Variants in PARP8 observed in about 807,000 individuals in gnomAD.
PARP8 encodes poly(ADP-ribose) polymerase family member 8, also known as protein mono-ADP-ribosyltransferase PARP8.
A neutral mutation model predicts 124.1 loss-of-function variants in PARP8; 51 were observed. That is an observed-to-expected ratio of 0.41 (90% CI 0.33 to 0.52). The LOEUF is 0.52. PARP8 is among the 20% of genes least tolerant of loss of function. The pLI is 0.21. For synonymous variants in PARP8, 391 were observed against 361.5 expected, an observed-to-expected ratio of 1.08 and a Z score of -0.93; for missense variants, 860 against 1,018.9, an observed-to-expected ratio of 0.84 and a Z score of 2.12.
chr5:50,762,339 C>T (rs1187993530), intron 6 of PARP8, among the ~76,000 whole-genome samples: 1 of 151,994 alleles, frequency 6.6e-6, no homozygotes, highest in East Asian at 1.9e-4. Context: ...TATTCACTGC[C>T]ATTGAATTCT....
intron 7 of PARP8, among the ~76,000 whole-genome samples, chr5:50,766,351 G>A (rs144233479): frequency 1.6e-4 from 25 of 152,088 alleles, no homozygotes; most frequent in African/African-American, 3.4e-4. Flanking sequence ...TCAACAAAAC[G>A]CATTTTATGT....
intron 9 of PARP8, among the ~76,000 whole-genome samples, chr5:50,785,959 A>G (rs1741202955): frequency 6.6e-6 from 1 of 152,124 alleles, no homozygotes; most frequent in South Asian, 2.1e-4. Flanking sequence ...TTAGGACACC[A>G]TCCCAGCAAT....
chr5:50,685,203 G>A (rs1418104652), intron 2 of PARP8, among the ~76,000 whole-genome samples: 1 of 152,190 alleles, frequency 6.6e-6, no homozygotes, highest in Non-Finnish European at 1.5e-5. Flanking sequence ...CCACATGTCA[G>A]GATGCCTTCA....
At chr5:50,698,474 ACTT>A (rs925947804) in intron 2 of PARP8, among the ~76,000 whole-genome samples, 5 of 152,230 alleles carry the variant, frequency 3.3e-5, no homozygotes, top group Non-Finnish European at 5.9e-5. Flanking sequence ...TTATCTTCTT[ACTT>A]CTTATTACTG....
chr5:50,775,008 G>A lies in PARP8; in HGVS notation c.519-3061G>A, dbSNP rs557484156. Among the ~76,000 whole-genome samples the A allele has an allele frequency of 8.1e-4, 122 of 149,812 alleles. 1 individual carries two copies. The highest frequency in any genetic ancestry group is 1.4e-3 in the Non-Finnish European group (96 of 67,606). On this transcript the variant is annotated intron_variant, in intron 7 of 25. Transcript: ENST00000281631. Reference sequence around the variant, plus strand: ...TCACATCCCAGATGATGGGCGGCCAGGCAGAGACGCTCCTCACTTCCTAGA... The same window carrying A: ...TCACATCCCAGATGATGGGCGGCCAAGCAGAGACGCTCCTCACTTCCTAGA...
intron 2 of PARP8, among the ~76,000 whole-genome samples, chr5:50,670,196 G>A (rs916992206): frequency 1.4e-4 from 22 of 152,132 alleles, no homozygotes; most frequent in Admixed American, 4.6e-4. Flanking sequence ...TTGATTTAAT[G>A]TGCTTATCAA....
At chr5:50,763,357 TAGAA>T (rs1329793159) in intron 7 of PARP8, 115 bp downstream of exon 7, 2 of 735,958 alleles carry the variant, frequency 2.7e-6, no homozygotes, top group Admixed American at 2.3e-5. Flanking sequence ...TAAAGTGTTT[TAGAA>T]AGAGTCTACT....
chr5:50,669,858 A>G (rs1248696340), intron 2 of PARP8, among the ~76,000 whole-genome samples: 18 of 152,216 alleles, frequency 1.2e-4, no homozygotes, highest in Non-Finnish European at 5.9e-5. Flanking sequence ...TTTCTCAGCC[A>G]TTTGGCTAAG....
At position 50,744,713 on chromosome 5, in the gene PARP8, G is replaced by A. The variant is rs1395471055; in HGVS notation, c.147-5438G>A. On this transcript the variant is annotated intron_variant, in intron 2 of 25. Coordinates refer to ENST00000281631, the MANE Select transcript of PARP8 (RefSeq NM_024615.4). ...AGTCAGCATATCCCAAAATTCTGAA[G>A]GCTTTTTTTTTTCTCTGAATAGGAA... The A allele has an allele frequency of 8.6e-6, 6 of 695,404 alleles. No individual in the cohort carries two copies. The East Asian group carries it at 1.1e-4, about 12-fold the overall frequency. The allele number at this position is 695,404 out of a possible 1,614,324, so 43.1% of individuals were successfully genotyped here.
chr5:50,684,735 A>G (rs1751670998), intron 2 of PARP8, among the ~76,000 whole-genome samples: 1 of 152,208 alleles, frequency 6.6e-6, no homozygotes, highest in Admixed American at 6.5e-5. Flanking sequence ...TTAAAAAATA[A>G]TTATCAGGAT....
chr5:50,765,104 A>G (rs911064024), intron 7 of PARP8, among the ~76,000 whole-genome samples: 4 of 151,948 alleles, frequency 2.6e-5, no homozygotes, highest in Admixed American at 6.6e-5. Flanking sequence ...TCTACTAACA[A>G]TACAAAATTA....
intron 2 of PARP8, among the ~76,000 whole-genome samples, chr5:50,704,754 T>C (rs1753959680): frequency 6.6e-6 from 1 of 152,254 alleles, no homozygotes; most frequent in Non-Finnish European, 1.5e-5. Flanking sequence ...TGATTTCATC[T>C]ACTCTTTACC....
chr5:50,721,207 G>A (rs1755845562), intron 2 of PARP8, among the ~76,000 whole-genome samples: 1 of 151,732 alleles, frequency 6.6e-6, no homozygotes, highest in Non-Finnish European at 1.5e-5. Flanking sequence ...CTGATCTTAA[G>A]AAAAGTCTGT....
At chr5:50,828,173 A>G (rs1746552284) in intron 20 of PARP8, 117 bp downstream of exon 20, 2 of 1,109,916 alleles carry the variant, frequency 1.8e-6, no homozygotes, top group Non-Finnish European at 1.4e-6. Flanking sequence ...CATTCAACAG[A>G]TGGTCATGTA....
chr5:50,815,884 T>C (rs534609799), intron 15 of PARP8, among the ~76,000 whole-genome samples: 1 of 152,090 alleles, frequency 6.6e-6, no homozygotes, highest in Non-Finnish European at 1.5e-5. Flanking sequence ...TTTTTAAAAC[T>C]TAGGTGAAAA....
chr5:50,779,071 G>A (rs1047237357), intron 9 of PARP8, among the ~76,000 whole-genome samples: 6 of 152,066 alleles, frequency 3.9e-5, no homozygotes, highest in East Asian at 1.9e-4. Flanking sequence ...ATCTTTAAGC[G>A]ACAATGTTGC....
intron 2 of PARP8, among the ~76,000 whole-genome samples, chr5:50,704,664 A>G (rs1214787871): frequency 6.6e-6 from 1 of 152,162 alleles, no homozygotes; most frequent in Non-Finnish European, 1.5e-5. Flanking sequence ...AACATATCTC[A>G]TGAACATTGT....
At chr5:50,777,128 C>T (rs1291403689) in intron 7 of PARP8, among the ~76,000 whole-genome samples, 1 of 152,144 alleles carries the variant, frequency 6.6e-6, no homozygotes, top group Non-Finnish European at 1.5e-5. Context: ...AGTCTCAGCT[C>T]TGCTATAGAG....
chr5:50,755,778 G>A (rs1250485965), intron 3 of PARP8, among the ~76,000 whole-genome samples: 1 of 152,210 alleles, frequency 6.6e-6, no homozygotes, highest in South Asian at 2.1e-4. Flanking sequence ...GGGCAATATG[G>A]CCATTTTCAC....
Sources: gnomAD v4.1 joint callset for allele counts (sites outside exome capture counted in the v4.1 genomes callset) on GRCh38, gnomAD v4.1.1 for gene constraint, MANE v1.5 for transcripts, NCBI Gene and HGNC (gene_info 2026-07-23, HGNC 2026-07-21) for gene names.